CSMD1: variants seen among roughly 807,000 people sequenced by gnomAD.
The protein encoded by CSMD1 is CUB and sushi domain-containing protein 1.
A neutral mutation model predicts 417.5 loss-of-function variants in CSMD1; 213 were observed. The ratio of observed to expected loss-of-function variants is 0.51; its 90% confidence interval spans 0.46 to 0.57. The LOEUF (loss-of-function observed/expected upper bound fraction) is 0.57. Ranked by LOEUF, CSMD1 falls within the 20% of genes least tolerant of loss-of-function variation. CSMD1 has a pLI of 0.00. For missense variants in CSMD1, 6,923 were observed against 4,529.7 expected, an observed-to-expected ratio of 1.53 and a Z score of -15.17; for synonymous variants, 2,862 against 1,736.8, an observed-to-expected ratio of 1.65 and a Z score of -16.11.
At chr8:2,990,862 G>A (rs779136962) in intron 54 of CSMD1, among the ~76,000 whole-genome samples, 1 of 152,306 alleles carries the variant, frequency 6.6e-6, no homozygotes, top group Non-Finnish European at 1.5e-5. Context: ...TTGAAACTTC[G>A]CATCTGTTAG....
Position 4,295,680 on chromosome 8 carries a change from TTATAC to T in CSMD1, c.415+124268_415+124272del, listed in dbSNP as rs1247369921. On this transcript the variant is annotated intron_variant, in intron 3 of 69. Transcript: ENST00000635120. ...TAATCTTAAGATTACATATGTTATA[TTATAC>T]ATGTTATATATGTTATATATTGTGT... Among the ~76,000 whole-genome samples, 224 of 143,472 alleles carry T rather than the reference TTATAC, an allele frequency of 1.6e-3. 1 individual carries two copies. Among genetic ancestry groups the T allele is most frequent in the African/African-American group, 4.3e-3 (170 of 39,608 alleles). 94.1% of individuals were successfully genotyped at this position (143,472 alleles called of 152,430 possible). A position where few individuals can be genotyped will look rare whatever the true frequency, so the allele number is the denominator to read the frequency against.
intron 12 of CSMD1, among the ~76,000 whole-genome samples, chr8:3,455,969 C>T (rs367859674): frequency 6.6e-6 from 1 of 152,202 alleles, no homozygotes; most frequent in African/African-American, 2.4e-5. Flanking sequence ...CCAGTTCGAG[C>T]TTCCGGGCTG....
At chr8:3,160,582 C>T (rs997110097) in intron 38 of CSMD1, among the ~76,000 whole-genome samples, 1 of 152,192 alleles carries the variant, frequency 6.6e-6, no homozygotes, top group Non-Finnish European at 1.5e-5. Context: ...CTCGCTCTGC[C>T]TCCAATCTTT....
chr8:4,515,418 T>C (rs1164153476), intron 2 of CSMD1, among the ~76,000 whole-genome samples: 1 of 152,164 alleles, frequency 6.6e-6, no homozygotes, highest in Admixed American at 6.5e-5. Context: ...CTTTGTCTGC[T>C]TGACAAAGTC....
At chr8:4,909,115 G>T (rs906054059) in intron 1 of CSMD1, among the ~76,000 whole-genome samples, 1 of 152,202 alleles carries the variant, frequency 6.6e-6, no homozygotes, top group Non-Finnish European at 1.5e-5. Context: ...TGTAGGTGTA[G>T]GTGTCAGAGG....
chr8:4,494,078 C>A (rs1652542), intron 2 of CSMD1, among the ~76,000 whole-genome samples: 2,647 of 152,064 alleles, frequency 0.017, 71 homozygotes, highest in African/African-American at 0.061. Flanking sequence ...ATCTAGTGGA[C>A]AACACAAGGC....
chr8:4,406,274 G>C (rs1416349625), intron 3 of CSMD1, among the ~76,000 whole-genome samples: 1 of 152,110 alleles, frequency 6.6e-6, no homozygotes, highest in Non-Finnish European at 1.5e-5. Context: ...CCCTCAGATA[G>C]TGCAATTCAA....
intron 3 of CSMD1, among the ~76,000 whole-genome samples, chr8:4,255,022 C>G (rs564845800): frequency 4.6e-5 from 7 of 152,206 alleles, no homozygotes; most frequent in Non-Finnish European, 1.0e-4. Flanking sequence ...TTCATCCAAT[C>G]CCCTCGTACC....
At chr8:3,503,049 A>G (rs543052958) in intron 10 of CSMD1, among the ~76,000 whole-genome samples, 21 of 152,320 alleles carry the variant, frequency 1.4e-4, no homozygotes, top group African/African-American at 5.1e-4. Context: ...AAACTGCTCT[A>G]AAAATAAAAC....
intron 41 of CSMD1, among the ~76,000 whole-genome samples, chr8:3,123,692 T>C (rs1203417556): frequency 6.6e-6 from 1 of 152,192 alleles, no homozygotes; most frequent in African/African-American, 2.4e-5. Context: ...CTCATCTTCA[T>C]TAGAAGATTT....
chr8:3,249,106 C>A (rs1307001185), intron 26 of CSMD1, among the ~76,000 whole-genome samples: 1 of 152,090 alleles, frequency 6.6e-6, no homozygotes, highest in African/African-American at 2.4e-5. Context: ...GTGTTTAAAG[C>A]ACTTAGCCCG....
chr8:4,839,228 T>G (rs1800694185), intron 1 of CSMD1, among the ~76,000 whole-genome samples: 1 of 152,174 alleles, frequency 6.6e-6, no homozygotes, highest in South Asian at 2.1e-4. Flanking sequence ...CAAACTTCCT[T>G]TTAATAAAAC....
chr8:4,226,185 G>A (rs960408794), intron 3 of CSMD1, among the ~76,000 whole-genome samples: 3 of 151,636 alleles, frequency 2.0e-5, no homozygotes, highest in Non-Finnish European at 4.4e-5. Context: ...GCAACTTAAA[G>A]GAGATCATTT....
Position 4,112,298 on chromosome 8 carries a change from G to A in CSMD1, c.416-80199C>T, listed in dbSNP as rs556435300. Among the ~76,000 whole-genome samples the A allele has an allele frequency of 4.1e-4, 62 of 152,238 alleles. 1 individual carries two copies. Among genetic ancestry groups the A allele is most frequent in the South Asian group, 1.0e-3 (5 of 4,818 alleles). On this transcript the variant is annotated intron_variant, in intron 3 of 69. Transcript: ENST00000635120. ...GATACACCTTTCTGTGCCTGCTCCC[G>A]CACATTTACACAGACTCCACCCTGG...
chr8:4,521,561 G>C (rs894433919), intron 2 of CSMD1, among the ~76,000 whole-genome samples: 3 of 152,150 alleles, frequency 2.0e-5, no homozygotes, highest in African/African-American at 4.8e-5. Context: ...TGATATGATA[G>C]AGTAATGCTT....
At position 4,419,892 on chromosome 8, in the gene CSMD1, G is replaced by T. The variant is rs554705640; in HGVS notation, c.415+61C>A. 4 of 1,112,318 alleles carry T rather than the reference G, an allele frequency of 3.6e-6. No homozygotes were observed. The African/African-American group carries it at 6.2e-5, about 17-fold the overall frequency. The allele number at this position is 1,112,318 out of a possible 1,614,324, so 68.9% of individuals were successfully genotyped here. A position where few individuals can be genotyped will look rare whatever the true frequency, so the allele number is the denominator to read the frequency against. On this transcript the variant is annotated intron_variant, in intron 3 of 69. Coordinates refer to ENST00000635120, the MANE Select transcript of CSMD1 (RefSeq NM_033225.6). ...CCTAGTTTGTCATTATTAATCCAGT[G>T]TAGCATGTATTAGATCATTTGGACA... is the stretch of plus-strand genomic sequence containing the variant.
Position 4,637,567 on chromosome 8 carries a change from G to A in CSMD1, c.86-9C>T. The A allele has an allele frequency of 6.7e-7, 1 of 1,503,694 alleles. No homozygotes were observed. Among genetic ancestry groups the A allele is most frequent in the Non-Finnish European group, 9.0e-7 (1 of 1,110,598 alleles). 93.1% of individuals were successfully genotyped at this position (1,503,694 alleles called of 1,614,324 possible). ...GCCTCCACAGTTCTGACCTGGAAGA[G>A]AAAACACACACAAAAAAGCATATTA... On this transcript the variant is annotated splice_polypyrimidine_tract_variant and intron_variant, in intron 1 of 69. Transcript: ENST00000635120.
chr8:4,235,015 T>C (rs1285282631), intron 3 of CSMD1, among the ~76,000 whole-genome samples: 5 of 152,188 alleles, frequency 3.3e-5, no homozygotes, highest in South Asian at 2.1e-4. Context: ...TACCATCGTA[T>C]TGGTGGGAGT....
In CSMD1 at chr8:3,440,758, G is replaced by C. The variant is rs528146807; in HGVS notation, c.1561+27954C>G. On this transcript the variant is annotated intron_variant, in intron 12 of 69. Transcript: ENST00000635120. ...TAACATCCAGTCTTTCATCAGTAAGGTTAATTCTAAGTGTTTTTTTGTTTT... is the reference window on the plus strand; with the variant it reads ...TAACATCCAGTCTTTCATCAGTAAGCTTAATTCTAAGTGTTTTTTTGTTTT... 2.0e-5 allele frequency among the ~76,000 whole-genome samples: 3 copies of C among 152,246 alleles called. No homozygotes were observed. In the East Asian group the frequency reaches 5.8e-4, roughly 29 times the overall value.
Sources: gnomAD v4.1 joint callset for allele counts (sites outside exome capture counted in the v4.1 genomes callset) on GRCh38, gnomAD v4.1.1 for gene constraint, MANE v1.5 for transcripts, NCBI Gene and HGNC (gene_info 2026-07-23, HGNC 2026-07-21) for gene names.